Variants in GALNT13 observed in about 807,000 individuals in gnomAD.
GALNT13 encodes UDP-GalNAc:polypeptide N-acetylgalactosaminyltransferase 13.
GALNT13 carries 28 observed loss-of-function variants against 64.2 expected under a neutral mutation model. The ratio of observed to expected loss-of-function variants is 0.44; its 90% CI spans 0.32 to 0.60. The LOEUF is 0.60. Ranked by LOEUF, GALNT13 falls within the 20% of genes least tolerant of loss-of-function variation. The pLI, the probability that GALNT13 is intolerant of heterozygous loss-of-function variation, is 0.05. For missense variants in GALNT13, 577 were observed against 669.8 expected (o/e 0.86, Z 1.53); for synonymous variants, 214 against 224.6 (o/e 0.95, Z 0.42).
intron 2 of GALNT13, among the ~76,000 whole-genome samples, chr2:153,902,649 G>A (rs114439874): frequency 8.3e-4 from 126 of 152,226 alleles, no homozygotes; most frequent in African/African-American, 2.8e-3. Flanking sequence ...TCATAGCAGT[G>A]GGGATGGACT....
Position 154,014,884 on chromosome 2 carries a change from G to A in GALNT13, c.142+70245G>A, listed in dbSNP as rs574028192. ...CTGACCTCATGATCTGCCCGCCTCA[G>A]CCTCCCAAAGTGCTGGGATTTATAG... On this transcript the variant is annotated intron_variant, in intron 3 of 12. Coordinates refer to ENST00000392825, the MANE Select transcript of GALNT13 (RefSeq NM_052917.4). Among the ~76,000 whole-genome samples the A allele has an allele frequency of 5.3e-5, 8 of 152,070 alleles. No individual in the cohort carries two copies. In the East Asian group the frequency reaches 1.4e-3, roughly 26 times the overall value.
intron 9 of GALNT13, among the ~76,000 whole-genome samples, chr2:154,320,058 A>G (rs896778942): frequency 5.9e-5 from 9 of 152,098 alleles, no homozygotes; most frequent in African/African-American, 2.2e-4. Context: ...TAACTTATGT[A>G]ATAACAGACT....
intron 9 of GALNT13, among the ~76,000 whole-genome samples, chr2:154,357,488 G>A (rs745969325): frequency 1.2e-4 from 18 of 152,022 alleles, no homozygotes; most frequent in East Asian, 7.7e-4. Context: ...CATTTAAGGC[G>A]TGTAAAAAGG....
the GALNT13 span, chr2:153,478,498 A>G: frequency 2.5e-6 from 4 of 1,610,760 alleles, no homozygotes; most frequent in African/African-American, 1.3e-5. Flanking sequence ...GGCTCGCTCC[A>G]GCGCCTCGCT....
At chr2:153,732,658 T>C in the GALNT13 span, among the ~76,000 whole-genome samples, 1 of 152,198 alleles carries the variant, frequency 6.6e-6, no homozygotes, top group African/African-American at 2.4e-5. Flanking sequence ...GATGAGAACA[T>C]ATTCATGTAA....
At chr2:153,407,769 A>G in the GALNT13 span, among the ~76,000 whole-genome samples, 2 of 152,196 alleles carry the variant, frequency 1.3e-5, no homozygotes, top group South Asian at 2.1e-4. Context: ...ATCCACTTTG[A>G]TTCTGTCTAT....
intron 8 of GALNT13, among the ~76,000 whole-genome samples, chr2:154,296,234 ACAACCTGTAAAATAAACCC>A (rs1379000747): frequency 6.6e-6 from 1 of 152,184 alleles, no homozygotes; most frequent in African/African-American, 2.4e-5. Context: ...TTCTGCTGGA[ACAACCTGTAAAATAAACCC>A]CAACCATAGC....
chr2:153,075,702 G>T, the GALNT13 span, among the ~76,000 whole-genome samples: 2 of 152,040 alleles, frequency 1.3e-5, no homozygotes, highest in African/African-American at 4.8e-5. Context: ...ACAAAAACAA[G>T]ATATGTCCAG....
chr2:154,427,068 CAGAT>C (rs1412949789), intron 11 of GALNT13, among the ~76,000 whole-genome samples: 7 of 152,110 alleles, frequency 4.6e-5, no homozygotes, highest in African/African-American at 1.7e-4. Context: ...GAATATTGCA[CAGAT>C]AATCACTAAT....
the GALNT13 span, among the ~76,000 whole-genome samples, chr2:153,586,233 A>G: frequency 6.6e-6 from 1 of 152,210 alleles, no homozygotes; most frequent in Non-Finnish European, 1.5e-5. Flanking sequence ...GATTAAATGC[A>G]TCACTTAAAA....
chr2:153,620,013 T>A, the GALNT13 span, among the ~76,000 whole-genome samples: 2 of 152,160 alleles, frequency 1.3e-5, no homozygotes, highest in Non-Finnish European at 2.9e-5. Flanking sequence ...AAGTTCTCTA[T>A]TATTATCCCT....
At chr2:154,404,532 T>C (rs1416507447) in intron 10 of GALNT13, among the ~76,000 whole-genome samples, 1 of 152,156 alleles carries the variant, frequency 6.6e-6, no homozygotes, top group East Asian at 1.9e-4. Context: ...GGAAATGAGG[T>C]CAGGATAACA....
chr2:153,587,193 A>G, the GALNT13 span, among the ~76,000 whole-genome samples: 1 of 151,370 alleles, frequency 6.6e-6, no homozygotes, highest in Non-Finnish European at 1.5e-5. Context: ...AGATTGCACC[A>G]CAGCACTCCA....
At chr2:153,520,209 G>A in the GALNT13 span, among the ~76,000 whole-genome samples, 11 of 152,034 alleles carry the variant, frequency 7.2e-5, no homozygotes, top group East Asian at 7.7e-4. Context: ...TTTATTTCAG[G>A]CAGTAAGGTA....
chr2:153,591,745 G>A, the GALNT13 span, among the ~76,000 whole-genome samples: 1 of 151,766 alleles, frequency 6.6e-6, no homozygotes, highest in Non-Finnish European at 1.5e-5. Context: ...GTAAACACAG[G>A]GAAAACTCTT....
At chr2:154,226,637 A>T (rs548900355) in intron 4 of GALNT13, among the ~76,000 whole-genome samples, 2 of 152,138 alleles carry the variant, frequency 1.3e-5, no homozygotes, top group Non-Finnish European at 2.9e-5. Flanking sequence ...AATATTTTTT[A>T]AATTTTATTT....
At chr2:153,639,801 A>T in the GALNT13 span, among the ~76,000 whole-genome samples, 3 of 152,202 alleles carry the variant, frequency 2.0e-5, no homozygotes, top group African/African-American at 7.2e-5. Flanking sequence ...AATTTTGCTG[A>T]TCACTGGGTA....
intron 8 of GALNT13, among the ~76,000 whole-genome samples, chr2:154,297,712 A>G (rs1693007316): frequency 6.6e-6 from 1 of 152,196 alleles, no homozygotes. Context: ...ATTATTTTAC[A>G]GATAGCACTA....
the GALNT13 span, among the ~76,000 whole-genome samples, chr2:153,692,337 G>A: frequency 6.6e-6 from 1 of 152,018 alleles, no homozygotes; most frequent in Non-Finnish European, 1.5e-5. Context: ...ACACTTAAGA[G>A]CATTCCAATT....
Sources: allele counts gnomAD v4.1 joint callset (sites outside exome capture counted in the v4.1 genomes callset), GRCh38; gene constraint gnomAD v4.1.1; transcripts MANE v1.5; gene names NCBI Gene and HGNC (gene_info 2026-07-23, HGNC 2026-07-21).